The following RALYL variants were observed in gnomAD, a reference collection of about 807,000 sequenced individuals.
RALYL encodes RNA-binding Raly-like protein.
A neutral mutation model predicts 35.1 loss-of-function variants in RALYL; 29 were observed. That is an observed-to-expected ratio of 0.83 (90% CI 0.61 to 1.13). The LOEUF (loss-of-function observed/expected upper bound fraction) is 1.13, where lower values mean the gene tolerates loss of function less well. Among genes scored for constraint, RALYL ranks in the 50% most tolerant of loss-of-function variants. The pLI is 0.00. For synonymous variants in RALYL, 120 were observed against 127.6 expected, an observed-to-expected ratio of 0.94 and a Z score of 0.40; for missense variants, 359 against 360.4, an observed-to-expected ratio of 1.00 and a Z score of 0.03.
chr8:84,351,146 T>G (rs1850808669), intron 1 of RALYL, among the ~76,000 whole-genome samples: 1 of 150,418 alleles, frequency 6.6e-6, no homozygotes, highest in Non-Finnish European at 1.5e-5. Context: ...GTAAAATGTT[T>G]ATTTATAACA....
chr8:84,573,130 T>G (rs1268561), intron 2 of RALYL, among the ~76,000 whole-genome samples: 28,286 of 151,106 alleles, frequency 0.19, 2,901 homozygotes, highest in Non-Finnish European at 0.23. Context: ...ATATATTTTT[T>G]TACTTTATCC....
chr8:84,425,809 G>A (rs1177310453), intron 1 of RALYL, among the ~76,000 whole-genome samples: 1 of 151,812 alleles, frequency 6.6e-6, no homozygotes, highest in Non-Finnish European at 1.5e-5. Context: ...GTGTGTGTGT[G>A]TGTGTGTGTG....
chr8:84,317,031 G>A (rs7002872), intron 1 of RALYL, among the ~76,000 whole-genome samples: 99,240 of 151,832 alleles, frequency 0.65, 33,168 homozygotes, highest in African/African-American at 0.78. Flanking sequence ...TGATTCATAG[G>A]AGCAAAAATA....
intron 4 of RALYL, among the ~76,000 whole-genome samples, chr8:84,824,560 A>G (rs1829238309): frequency 6.6e-6 from 1 of 152,176 alleles, no homozygotes; most frequent in Admixed American, 6.5e-5. Context: ...ATCCAAAACA[A>G]TCCTAAGTAA....
intron 1 of RALYL, among the ~76,000 whole-genome samples, chr8:84,204,136 A>G (rs1263138568): frequency 6.6e-6 from 1 of 152,074 alleles, no homozygotes; most frequent in Non-Finnish European, 1.5e-5. Flanking sequence ...CCTATAGTTT[A>G]AGAATTCTGA....
intron 1 of RALYL, among the ~76,000 whole-genome samples, chr8:84,447,814 G>C (rs577563179): frequency 6.6e-6 from 1 of 151,994 alleles, no homozygotes; most frequent in Non-Finnish European, 1.5e-5. Context: ...TGAACTTGCA[G>C]TTATGTGTTT....
intron 1 of RALYL, among the ~76,000 whole-genome samples, chr8:84,270,479 ATTC>A (rs1307923334): frequency 6.6e-6 from 1 of 152,034 alleles, no homozygotes; most frequent in African/African-American, 2.4e-5. Context: ...CTGTAAGGAG[ATTC>A]TTATGTCCAA....
chr8:84,238,004 A>G (rs1205347328), intron 1 of RALYL, among the ~76,000 whole-genome samples: 1 of 99,666 alleles, frequency 1.0e-5, no homozygotes, highest in African/African-American at 3.0e-5. Context: ...GTGCAAAAAC[A>G]AAACAAAAGA....
chr8:84,445,335 T>G (rs547771144), intron 1 of RALYL, among the ~76,000 whole-genome samples: 16 of 152,138 alleles, frequency 1.1e-4, no homozygotes, highest in Non-Finnish European at 1.0e-4. Context: ...ATAATCAGTA[T>G]TTTTTCTTTT....
At chr8:84,815,787 A>G (rs1827112220) in intron 4 of RALYL, among the ~76,000 whole-genome samples, 1 of 152,064 alleles carries the variant, frequency 6.6e-6, no homozygotes, top group African/African-American at 2.4e-5. Flanking sequence ...CTGGAATCCC[A>G]GCACTTTGGG....
intron 2 of RALYL, among the ~76,000 whole-genome samples, chr8:84,541,520 A>T (rs923038069): frequency 6.6e-6 from 1 of 152,046 alleles, no homozygotes; most frequent in Non-Finnish European, 1.5e-5. Flanking sequence ...TTCTATATGC[A>T]GTTGACACAC....
chr8:84,893,221 T>G (rs141725061), intron 8 of RALYL, among the ~76,000 whole-genome samples: 40 of 152,294 alleles, frequency 2.6e-4, no homozygotes, highest in African/African-American at 9.4e-4. Flanking sequence ...TAAACAATAT[T>G]CAAATCATCC....
chr8:84,683,769 C>T (rs557245708), intron 2 of RALYL, among the ~76,000 whole-genome samples: 2 of 152,286 alleles, frequency 1.3e-5, no homozygotes, highest in East Asian at 1.9e-4. Flanking sequence ...TCACTGCAAC[C>T]TCCGCCTCCT....
chr8:84,384,371 T>C (rs968158285), intron 1 of RALYL, among the ~76,000 whole-genome samples: 7 of 151,760 alleles, frequency 4.6e-5, no homozygotes, highest in Admixed American at 1.3e-4. Flanking sequence ...TCAATTTCCA[T>C]TTATCACGTT....
At chr8:84,263,776 C>T (rs766237555) in intron 1 of RALYL, among the ~76,000 whole-genome samples, 26 of 152,062 alleles carry the variant, frequency 1.7e-4, no homozygotes, top group Non-Finnish European at 2.9e-4. Flanking sequence ...CTCACCCCGA[C>T]ACAACAGGCC....
rs1214327137 is a variant in RALYL at position 84,635,586 on chromosome 8, T to A, written c.256+106009T>A. Among the ~76,000 whole-genome samples, 11 of 151,710 alleles carry A rather than the reference T, an allele frequency of 7.3e-5. No individual in the cohort carries two copies. The East Asian group carries it at 2.1e-3, about 30-fold the overall frequency. ...TAGGTACAGATACTATTGAGAGATT[T>A]ACAAAAAAAAATCATAAAAACCTCT... On this transcript the variant is annotated intron_variant, in intron 2 of 8. Transcript: ENST00000521268.
At chr8:84,445,049 G>T (rs1030810982) in intron 1 of RALYL, among the ~76,000 whole-genome samples, 1 of 151,982 alleles carries the variant, frequency 6.6e-6, no homozygotes, top group Non-Finnish European at 1.5e-5. Context: ...TACCCAAAAG[G>T]TGGAAATAAA....
At chr8:84,290,940 C>A (rs1255718469) in intron 1 of RALYL, among the ~76,000 whole-genome samples, 3 of 150,188 alleles carry the variant, frequency 2.0e-5, no homozygotes, top group Admixed American at 1.3e-4. Flanking sequence ...CTTTTGATAT[C>A]TTTCTATAAT....
chr8:84,635,352 G>C (rs2131299015), intron 2 of RALYL, among the ~76,000 whole-genome samples: 2 of 124,804 alleles, frequency 1.6e-5, no homozygotes, highest in South Asian at 6.5e-4. Context: ...GTCTTCTATA[G>C]AAGAACTATT....
Sources: gnomAD v4.1 joint callset for allele counts (sites outside exome capture counted in the v4.1 genomes callset) on GRCh38, gnomAD v4.1.1 for gene constraint, MANE v1.5 for transcripts, NCBI Gene and HGNC (gene_info 2026-07-23, HGNC 2026-07-21) for gene names.